BFSP2: variants seen among roughly 807,000 people sequenced by gnomAD.
BFSP2 encodes the protein phakinin.
Under a neutral mutation model 44.9 loss-of-function variants are expected in BFSP2, and 38 were observed. The ratio of observed to expected loss-of-function variants is 0.85; its 90% CI spans 0.65 to 1.11. The LOEUF (loss-of-function observed/expected upper bound fraction) is 1.11. Among genes scored for constraint, BFSP2 ranks in the 50% least tolerant of loss-of-function variants. The probability of loss-of-function intolerance (pLI) is 0.00; values close to 1 mark genes in which losing one functional copy is unlikely to be tolerated. For missense variants in BFSP2, 525 were observed against 533.0 expected (o/e 0.99, Z 0.15); for synonymous variants, 197 against 209.9 (o/e 0.94, Z 0.53).
Position 133,430,634 on chromosome 3 carries a change from G to A in BFSP2, c.490-16683G>A, listed in dbSNP as rs539649803. Among the ~76,000 whole-genome samples the A allele has an allele frequency of 2.2e-4, 33 of 152,200 alleles. No individual in the cohort carries two copies. In the East Asian group the frequency reaches 6.4e-3, roughly 29 times the overall value. The stretch of plus-strand genomic sequence containing the variant: ...TCATAAAATGGGCAAATGGTCTGAG[G>A]TGCCTGACGTCCAGGCATTCTTTTA... On this transcript the variant is annotated intron_variant, in intron 1 of 6. Coordinates refer to ENST00000302334, the MANE Select transcript of BFSP2 (RefSeq NM_003571.4).
chr3:133,441,761 A>G (rs1461918608), intron 1 of BFSP2, among the ~76,000 whole-genome samples: 1 of 152,254 alleles, frequency 6.6e-6, no homozygotes, highest in Non-Finnish European at 1.5e-5. Flanking sequence ...GTTATATTCT[A>G]GCAGAAAATA....
chr3:133,428,344 GCTTTCATGC>G (rs2073673839), intron 1 of BFSP2, among the ~76,000 whole-genome samples: 1 of 152,064 alleles, frequency 6.6e-6, no homozygotes, highest in East Asian at 1.9e-4. Context: ...AGGGCGCTGG[GCTTTCATGC>G]CCCCAGCTGT....
At chr3:133,417,367 ACCCTGCCCTCTCCCCTCTACGTAC>A (rs2073547293) in intron 1 of BFSP2, among the ~76,000 whole-genome samples, 1 of 14,790 alleles carries the variant, frequency 6.8e-5, no homozygotes, top group Non-Finnish European at 1.3e-4. Flanking sequence ...CCCTCTACTC[ACCCTGCCCTCTCCCCTCTACGTAC>A]CCCTGCCATC....
intron 1 of BFSP2, chr3:133,410,722 C>A: frequency 4.0e-6 from 1 of 248,656 alleles, no homozygotes; most frequent in South Asian, 6.7e-5. Flanking sequence ...TCTGTGGAAC[C>A]AGAGCTGTCC....
rs764339692 is a variant in BFSP2, at chr3:133,400,073, C to G, written c.-11C>G. ...GTAAACCCACTGGGCACCACAGAGG[C>G]AGAAGGGGTGATGAGTGAGAGGCGA... On this transcript the variant is annotated 5_prime_UTR_variant, in exon 1 of 7. Coordinates refer to ENST00000302334, the MANE Select transcript of BFSP2 (RefSeq NM_003571.4). This position sits in a 1 kb window ranked among gnomAD's most constrained non-coding sequence, Gnocchi z 4.0. 6.2e-7 allele frequency: 1 copy of G among 1,614,138 alleles called. No individual in the cohort carries two copies. Among genetic ancestry groups the G allele is most frequent in the South Asian group, 1.1e-5 (1 of 91,088 alleles).
intron 1 of BFSP2, among the ~76,000 whole-genome samples, chr3:133,444,837 G>A (rs996210220): frequency 1.3e-5 from 2 of 152,054 alleles, no homozygotes; most frequent in South Asian, 2.1e-4. Context: ...AGAGCCTCCC[G>A]ACTGGTTCTT....
intron 1 of BFSP2, among the ~76,000 whole-genome samples, chr3:133,418,590 G>A (rs10935060): frequency 0.61 from 92,207 of 151,938 alleles, 28,915 homozygotes; most frequent in East Asian, 0.8. Flanking sequence ...CCTGGGTGCA[G>A]TTGGCCCAGA....
In BFSP2 at chr3:133,400,271, G is replaced by C; in HGVS notation, c.188G>C (p.Ser63Thr). The change falls in exon 1 of 7, where the codon AGT (serine) becomes ACT (threonine). Residue 63 changes from serine (S) to threonine (T), a missense_variant. Ser to Thr is a moderately conservative substitution (Grantham distance 58). Coordinates refer to ENST00000302334, the MANE Select transcript of BFSP2 (RefSeq NM_003571.4). The surrounding 1 kb of genome is among the most constrained non-coding windows in gnomAD (Gnocchi z 4.0). ...APGVYVGTAP[S>T]GCIGGLGARV... is the part of the protein sequence containing the mutation. ...GGGGTCTATGTAGGAACAGCACCCA[G>C]TGGGTGCATAGGTGGCTTGGGTGCC... 6.2e-7 allele frequency: 1 copy of C among 1,614,040 alleles called. No homozygotes were observed. The highest frequency in any genetic ancestry group is 1.3e-5 in the African/African-American group (1 of 75,074).
At chr3:133,473,526 T>C (rs1576602902) in intron 6 of BFSP2, among the ~76,000 whole-genome samples, 1 of 148,952 alleles carries the variant, frequency 6.7e-6, no homozygotes, top group African/African-American at 2.5e-5. Flanking sequence ...GGCAGGGTCA[T>C]AGGACAATAG....
At chr3:133,404,481 C>T (rs2073387381) in intron 1 of BFSP2, among the ~76,000 whole-genome samples, 1 of 152,144 alleles carries the variant, frequency 6.6e-6, no homozygotes, top group Admixed American at 6.5e-5. Context: ...TCACCCCACC[C>T]CACCAGCAGG....
At position 133,464,748 on chromosome 3, in the gene BFSP2, AT is replaced by A. The variant is rs1263367007; in HGVS notation, c.892-2078del. On this transcript the variant is annotated intron_variant, in intron 4 of 6. Transcript: ENST00000302334. ...CTCACAGTGACCACAGGAGGGAGTC[AT>A]TATATGATAATGAGTATTATTCTCC... Among the ~76,000 whole-genome samples, 3 of 152,198 alleles carry A rather than the reference AT, an allele frequency of 2.0e-5. No individual in the cohort carries two copies. In the East Asian group the frequency reaches 5.8e-4, roughly 29 times the overall value.
At chr3:133,451,185 A>C (rs115039528) in intron 4 of BFSP2, among the ~76,000 whole-genome samples, 2,097 of 152,228 alleles carry the variant, frequency 0.014, 47 homozygotes, top group African/African-American at 0.047. Context: ...AAGCATTATA[A>C]GAGTGAAAAA....
At chr3:133,441,554 G>A (rs1195279020) in intron 1 of BFSP2, among the ~76,000 whole-genome samples, 3 of 152,168 alleles carry the variant, frequency 2.0e-5, no homozygotes, top group African/African-American at 7.2e-5. Flanking sequence ...GATGTTTAAG[G>A]TGATTCTCAG....
At chr3:133,470,606 G>C (rs769019991) in intron 5 of BFSP2, among the ~76,000 whole-genome samples, 4 of 152,162 alleles carry the variant, frequency 2.6e-5, no homozygotes, top group Non-Finnish European at 5.9e-5. Flanking sequence ...GAAGAAAGAA[G>C]TTTCCAGTCT....
intron 1 of BFSP2, chr3:133,429,184 A>G (rs1047467947): frequency 6.6e-6 from 1 of 152,114 alleles, no homozygotes; most frequent in African/African-American, 2.4e-5. Context: ...CATATGTATA[A>G]AACCTTTCCT....
chr3:133,453,624 G>A (rs997203463), intron 4 of BFSP2, among the ~76,000 whole-genome samples: 17 of 152,248 alleles, frequency 1.1e-4, no homozygotes, highest in African/African-American at 3.6e-4. Flanking sequence ...AAAGGCAAGG[G>A]AGCTGAGATG....
At chr3:133,426,019 G>A (rs991846644) in intron 1 of BFSP2, among the ~76,000 whole-genome samples, 1 of 121,566 alleles carries the variant, frequency 8.2e-6, no homozygotes, top group African/African-American at 3.0e-5. Flanking sequence ...GAAGGGAAGG[G>A]AAGGGAAGGG....
At chr3:133,460,674 G>A (rs2074054141) in intron 4 of BFSP2, among the ~76,000 whole-genome samples, 1 of 152,208 alleles carries the variant, frequency 6.6e-6, no homozygotes, top group South Asian at 2.1e-4. Context: ...TTCAAACCAA[G>A]CGTCTGTGCC....
intron 4 of BFSP2, among the ~76,000 whole-genome samples, chr3:133,463,255 G>T (rs2107937613): frequency 6.6e-6 from 1 of 152,318 alleles, no homozygotes. Flanking sequence ...GTTGCGGTGA[G>T]CTGAGATCGC....
Sources: gnomAD v4.1 joint callset for allele counts (sites outside exome capture counted in the v4.1 genomes callset) on GRCh38, gnomAD v4.1.1 for gene constraint, Gnocchi (gnomAD v3.1) non-coding constraint, MANE v1.5 for transcripts, NCBI Gene and HGNC (gene_info 2026-07-23, HGNC 2026-07-21) for gene names.